The following PPP2R3A variants were observed in gnomAD, a reference collection of about 807,000 sequenced individuals.
The protein encoded by PPP2R3A is protein phosphatase 2 regulatory subunit B''alpha.
In PPP2R3A, 80 loss-of-function variants were observed where a neutral mutation model predicts 106.9. That is an observed-to-expected ratio of 0.75 (90% CI 0.62 to 0.90). The LOEUF (loss-of-function observed/expected upper bound fraction) is 0.90, where lower values mean the gene tolerates loss of function less well. PPP2R3A is among the 40% of genes least tolerant of loss of function. The pLI is 0.00. For missense variants in PPP2R3A, 1,386 were observed against 1,350.4 expected (o/e 1.03, Z -0.41); for synonymous variants, 483 against 468.3 (o/e 1.03, Z -0.41).
intron 4 of PPP2R3A, among the ~76,000 whole-genome samples, chr3:136,041,753 C>G (rs1293770339): frequency 6.6e-6 from 1 of 152,176 alleles, no homozygotes; most frequent in East Asian, 1.9e-4. Flanking sequence ...CTTTTGAAAG[C>G]TCCAGTTAAG....
At chr3:136,029,701 A>G (rs1352437428) in intron 3 of PPP2R3A, among the ~76,000 whole-genome samples, 1 of 152,234 alleles carries the variant, frequency 6.6e-6, no homozygotes, top group East Asian at 1.9e-4. Context: ...TTACGTAACA[A>G]TTTGCTACTT....
chr3:136,076,179 A>G (rs1936587428), intron 6 of PPP2R3A, among the ~76,000 whole-genome samples: 1 of 152,240 alleles, frequency 6.6e-6, no homozygotes, highest in African/African-American at 2.4e-5. Flanking sequence ...TAATTTTAGG[A>G]AAGTCTTCCT....
chr3:136,070,393 A>G, intron 5 of PPP2R3A, 85 bp from the exon 6 acceptor site: 1 of 1,014,704 alleles, frequency 9.9e-7, no homozygotes, highest in Non-Finnish European at 1.4e-6. Context: ...AGTTTGCTCA[A>G]CTGGCAACAT....
At chr3:136,004,762 G>T (rs543116074) in intron 2 of PPP2R3A, among the ~76,000 whole-genome samples, 2 of 152,214 alleles carry the variant, frequency 1.3e-5, no homozygotes, top group East Asian at 3.9e-4. Context: ...ACTGAGGAAG[G>T]GCGTACAGGG....
chr3:136,019,120 C>G (rs1934375872), intron 2 of PPP2R3A, among the ~76,000 whole-genome samples: 1 of 152,210 alleles, frequency 6.6e-6, no homozygotes, highest in Non-Finnish European at 1.5e-5. Flanking sequence ...AGGGAAAGTT[C>G]ATGAGTGATC....
chr3:136,092,285 G>A (rs948032414), intron 10 of PPP2R3A, among the ~76,000 whole-genome samples: 6 of 152,172 alleles, frequency 3.9e-5, no homozygotes, highest in South Asian at 2.1e-4. Context: ...AGCTGAGATC[G>A]CACCATTGCA....
intron 5 of PPP2R3A, among the ~76,000 whole-genome samples, chr3:136,069,342 C>G (rs1282149443): frequency 2.0e-5 from 3 of 151,988 alleles, no homozygotes; most frequent in Non-Finnish European, 2.9e-5. Context: ...TTTGGGAGGC[C>G]TAGGGGAGTG....
chr3:136,112,367 T>C (rs372463153), intron 13 of PPP2R3A, among the ~76,000 whole-genome samples: 18 of 152,284 alleles, frequency 1.2e-4, no homozygotes, highest in East Asian at 9.7e-4. Context: ...TTGCAGATGA[T>C]ATAATTCTAT....
At chr3:136,081,698 C>T (rs538010553) in intron 7 of PPP2R3A, among the ~76,000 whole-genome samples, 26 of 152,166 alleles carry the variant, frequency 1.7e-4, no homozygotes, top group African/African-American at 4.6e-4. Context: ...TGGATTTTGC[C>T]GTAGGGGAGT....
chr3:136,066,735 G>A (rs941669585), intron 5 of PPP2R3A, among the ~76,000 whole-genome samples: 17 of 151,988 alleles, frequency 1.1e-4, no homozygotes, highest in Admixed American at 3.3e-4. Flanking sequence ...TCACTATCTC[G>A]AGGACCGCAC....
At chr3:135,986,922 G>A (rs1932947056) in intron 1 of PPP2R3A, among the ~76,000 whole-genome samples, 1 of 152,076 alleles carries the variant, frequency 6.6e-6, no homozygotes, top group African/African-American at 2.4e-5. Context: ...TATTTAAAGA[G>A]TTATTTATGT....
chr3:135,970,345 G>A (rs916931590), intron 1 of PPP2R3A, among the ~76,000 whole-genome samples: 2 of 152,168 alleles, frequency 1.3e-5, no homozygotes, highest in Admixed American at 6.5e-5. Flanking sequence ...TTTATTAAAT[G>A]AGAGAGAGAA....
Position 136,002,829 on chromosome 3 carries a change from T to C in PPP2R3A, c.1331T>C (p.Val444Ala), listed in dbSNP as rs1280482247. 2 of 1,613,942 alleles carry C rather than the reference T, an allele frequency of 1.2e-6. No individual in the cohort carries two copies. Among genetic ancestry groups the C allele is most frequent in the Non-Finnish European group, 1.7e-6 (2 of 1,179,932 alleles). Residue 444 changes from valine (V) to alanine (A), a missense_variant, in exon 2 of 14, where the codon GTA (valine) becomes GCA (alanine). Val to Ala is a moderately conservative substitution (Grantham distance 64). Coordinates refer to ENST00000264977, the MANE Select transcript of PPP2R3A (RefSeq NM_002718.5). ...ENGPSHELLK[V>A]NEHRAEFPEH... ...GGACCTAGTCATGAGTTATTAAAGG[T>C]AAATGAACATAGAGCAGAATTTCCA... is the stretch of plus-strand genomic sequence containing the variant.
intron 13 of PPP2R3A, among the ~76,000 whole-genome samples, chr3:136,137,573 G>A (rs1316791931): frequency 7.1e-5 from 2 of 28,000 alleles, no homozygotes; most frequent in African/African-American, 1.5e-4. Flanking sequence ...ATGGAGGCTC[G>A]CTCTGTCGCC....
intron 1 of PPP2R3A, among the ~76,000 whole-genome samples, chr3:135,987,530 C>A (rs1312603471): frequency 6.6e-6 from 1 of 152,152 alleles, no homozygotes; most frequent in African/African-American, 2.4e-5. Flanking sequence ...ACTACCAAGT[C>A]TTCCAAGGCT....
intron 13 of PPP2R3A, 90 bp from the exon 14 acceptor site, chr3:136,144,953 G>A (rs1939051076): frequency 1.4e-6 from 2 of 1,429,378 alleles, no homozygotes; most frequent in Middle Eastern, 2.2e-4. Flanking sequence ...ACCTTTGTGG[G>A]CTGGTCTTGA....
chr3:136,022,150 A>G (rs1934487385), intron 2 of PPP2R3A, among the ~76,000 whole-genome samples: 1 of 152,218 alleles, frequency 6.6e-6, no homozygotes, highest in Non-Finnish European at 1.5e-5. Flanking sequence ...AAGAAAACTT[A>G]CAAATTCAGT....
At chr3:136,015,335 A>G (rs2107806946) in intron 2 of PPP2R3A, among the ~76,000 whole-genome samples, 2 of 152,260 alleles carry the variant, frequency 1.3e-5, no homozygotes, top group Middle Eastern at 6.8e-3. Flanking sequence ...GCTTCATAGA[A>G]TGATTTAGGG....
At position 136,147,355 on chromosome 3, in the gene PPP2R3A, C is replaced by T. The variant is rs1402489670; in HGVS notation, c.*2189C>T. ...CTCCAGCCTAGGCGACAGAGCAAGA[C>T]CCCATTCTCTTACAAAGTCTCTATT... On this transcript the variant is annotated 3_prime_UTR_variant, in exon 14 of 14. Coordinates refer to ENST00000264977, the MANE Select transcript of PPP2R3A (RefSeq NM_002718.5). The T allele has an allele frequency of 6.6e-6, 1 of 152,610 alleles. No individual in the cohort carries two copies. Among genetic ancestry groups the T allele is most frequent in the Non-Finnish European group, 1.5e-5 (1 of 68,038 alleles). The allele number at this position is 152,610 out of a possible 1,614,324, so 9.5% of individuals were successfully genotyped here. A position where few individuals can be genotyped will look rare whatever the true frequency, so the allele number is the denominator to read the frequency against.
Sources: allele counts gnomAD v4.1 joint callset (sites outside exome capture counted in the v4.1 genomes callset), GRCh38; gene constraint gnomAD v4.1.1; transcripts MANE v1.5; gene names NCBI Gene and HGNC (gene_info 2026-07-23, HGNC 2026-07-21).